Variants in ITGBL1 observed in about 807,000 individuals in gnomAD.
ITGBL1 encodes integrin subunit beta like 1, also known as integrin beta-like protein 1.
A neutral mutation model predicts 68.5 loss-of-function variants in ITGBL1; 51 were observed. The ratio of observed to expected loss-of-function variants is 0.74; its 90% CI spans 0.59 to 0.94. The LOEUF (loss-of-function observed/expected upper bound fraction) is 0.94, where lower values mean the gene tolerates loss of function less well. Among genes scored for constraint, ITGBL1 ranks in the 40% least tolerant of loss-of-function variants. The pLI, the probability that ITGBL1 is intolerant of heterozygous loss-of-function variation, is 0.00. For missense variants in ITGBL1, 649 were observed against 647.4 expected (o/e 1.00, Z -0.03); for synonymous variants, 209 against 227.3 (o/e 0.92, Z 0.72).
rs1468805409 is a variant in ITGBL1, at chr13:101,463,176, TC to T, written c.316+9078del. Among the ~76,000 whole-genome samples, 8 of 152,308 alleles carry T rather than the reference TC, an allele frequency of 5.3e-5. No homozygotes were observed. In the East Asian group the frequency reaches 9.7e-4, roughly 18 times the overall value. On this transcript the variant is annotated intron_variant, in intron 2 of 10. Coordinates refer to ENST00000376180, the MANE Select transcript of ITGBL1 (RefSeq NM_004791.3). ...CACCCCTCTCCTACCCTAGCGTAAT[TC>T]CTGGTCCTAAGATATTTATTTTCAA... is the stretch of plus-strand genomic sequence containing the variant.
intron 2 of ITGBL1, among the ~76,000 whole-genome samples, chr13:101,489,798 T>C (rs2048749892): frequency 6.6e-6 from 1 of 152,110 alleles, no homozygotes; most frequent in African/African-American, 2.4e-5. Context: ...GTCATTGATA[T>C]CAGAGGATGC....
rs574193519 is a variant in ITGBL1 at position 101,464,190 on chromosome 13, C to T, written c.316+10090C>T. ...CTGGGATTACAGGCATGAGCCACCA[C>T]GCCTGACCCATTCTTAAAACTCCCA... is the stretch of plus-strand genomic sequence containing the variant. On this transcript the variant is annotated intron_variant, in intron 2 of 10. Transcript: ENST00000376180. Among the ~76,000 whole-genome samples the T allele has an allele frequency of 2.0e-5, 3 of 152,146 alleles. No individual in the cohort carries two copies. The South Asian group carries it at 6.2e-4, about 32-fold the overall frequency.
At chr13:101,603,196 C>G (rs889862437) in intron 7 of ITGBL1, among the ~76,000 whole-genome samples, 3 of 152,012 alleles carry the variant, frequency 2.0e-5, no homozygotes, top group Non-Finnish European at 4.4e-5. Flanking sequence ...CCACCAGCAG[C>G]GTGTGGAGTT....
downstream of ITGBL1, chr13:101,720,350 A>C (rs1229478337): frequency 6.6e-6 from 1 of 152,156 alleles, no homozygotes; most frequent in African/African-American, 2.4e-5. Flanking sequence ...CTTCATAGGG[A>C]TAAATGCCCT....
chr13:101,569,340 T>G (rs912864399), intron 3 of ITGBL1, among the ~76,000 whole-genome samples: 2 of 152,114 alleles, frequency 1.3e-5, no homozygotes, highest in African/African-American at 4.8e-5. Context: ...TATTAAGGAA[T>G]CTAAACATGT....
intron 7 of ITGBL1, among the ~76,000 whole-genome samples, chr13:101,653,658 C>G (rs975068299): frequency 6.6e-6 from 1 of 151,930 alleles, no homozygotes; most frequent in African/African-American, 2.4e-5. Flanking sequence ...TGAACTATGA[C>G]CACACAGTAA....
chr13:101,598,139 C>T lies in ITGBL1; in HGVS notation c.869-14C>T. 1 of 1,579,480 alleles carries T rather than the reference C, an allele frequency of 6.3e-7. No homozygotes were observed. The highest frequency in any genetic ancestry group is 8.6e-7 in the Non-Finnish European group (1 of 1,167,396). On this transcript the variant is annotated splice_polypyrimidine_tract_variant and intron_variant, in intron 6 of 10. Coordinates refer to ENST00000376180, the MANE Select transcript of ITGBL1 (RefSeq NM_004791.3). Reference sequence around the variant, plus strand: ...TTATGTACATTTTTATTTTTTGCCACTCTCACTGTGAAGGTCATGGACAGT... The same window carrying T: ...TTATGTACATTTTTATTTTTTGCCATTCTCACTGTGAAGGTCATGGACAGT...
At chr13:101,585,069 G>T (rs747326162) in intron 6 of ITGBL1, among the ~76,000 whole-genome samples, 2 of 152,250 alleles carry the variant, frequency 1.3e-5, no homozygotes, top group South Asian at 4.1e-4. Context: ...AAAAGGTAAA[G>T]TTGGTTGAGA....
intron 2 of ITGBL1, among the ~76,000 whole-genome samples, chr13:101,478,698 AAAGAAATC>A (rs1227446161): frequency 1.3e-5 from 2 of 152,118 alleles, no homozygotes; most frequent in African/African-American, 4.8e-5. Context: ...ACAATTTGAA[AAAGAAATC>A]AAGAAAGTAA....
intron 2 of ITGBL1, among the ~76,000 whole-genome samples, chr13:101,512,936 C>A (rs1273463668): frequency 2.0e-5 from 3 of 152,078 alleles, no homozygotes; most frequent in Admixed American, 2.0e-4. Context: ...GCAGGAAATT[C>A]TTTTGTTTGT....
chr13:101,632,309 G>A (rs1386229580), intron 7 of ITGBL1, among the ~76,000 whole-genome samples: 1 of 152,162 alleles, frequency 6.6e-6, no homozygotes, highest in Admixed American at 6.6e-5. Flanking sequence ...TTGGAAAGGT[G>A]CTCAATATCA....
chr13:101,531,712 T>G lies in ITGBL1; in HGVS notation c.317-35987T>G, dbSNP rs77667674. 6.9e-3 allele frequency among the ~76,000 whole-genome samples: 505 copies of G among 73,034 alleles called. 3 individuals carry two copies. Among genetic ancestry groups the G allele is most frequent in the Non-Finnish European group, 8.8e-3 (282 of 31,952 alleles). The allele number at this position is 73,034 out of a possible 152,430, so 47.9% of individuals were successfully genotyped here. ...TTTTTTTTATTTTGTTATTTATTTA[T>G]TTATTTATTTATTTATTTATTTATT... On this transcript the variant is annotated intron_variant, in intron 2 of 10. Coordinates refer to ENST00000376180, the MANE Select transcript of ITGBL1 (RefSeq NM_004791.3).
intron 9 of ITGBL1, chr13:101,711,079 G>A (rs1186802031): frequency 6.6e-6 from 1 of 152,222 alleles, no homozygotes; most frequent in East Asian, 1.9e-4. Context: ...CAAGAGAGAT[G>A]AGGTTAGTGC....
chr13:101,605,059 TGTATATGTGTATATACATATATGC>T (rs1270565828), intron 7 of ITGBL1, among the ~76,000 whole-genome samples: 9 of 144,944 alleles, frequency 6.2e-5, no homozygotes, highest in African/African-American at 2.0e-4. Flanking sequence ...TGTGTATATG[TGTATATGTGTATATACATATATGC>T]GTATATGTGT....
chr13:101,598,425 A>G, intron 7 of ITGBL1, 126 bp downstream of exon 7: 1 of 701,004 alleles, frequency 1.4e-6, no homozygotes, highest in Non-Finnish European at 2.1e-6. Flanking sequence ...TTTGTTTTTT[A>G]TTTTTTTATT....
In ITGBL1 at chr13:101,492,090, CAT is replaced by C. The variant is rs780024464; in HGVS notation, c.316+37993_316+37994del. Among the ~76,000 whole-genome samples the C allele has an allele frequency of 4.6e-5, 7 of 152,312 alleles. 1 individual carries two copies. In the South Asian group the frequency reaches 1.0e-3, roughly 23 times the overall value. ...CTATTGTGAATAGTGCTGCAATAAACATATGTGTGCATGTGTCTTTAAAGTAG... is the reference window on the plus strand; with the variant it reads ...CTATTGTGAATAGTGCTGCAATAAACATGTGTGCATGTGTCTTTAAAGTAG... On this transcript the variant is annotated intron_variant, in intron 2 of 10. Transcript: ENST00000376180.
chr13:101,629,524 A>G (rs973191390), intron 7 of ITGBL1, among the ~76,000 whole-genome samples: 16 of 152,104 alleles, frequency 1.1e-4, no homozygotes, highest in African/African-American at 3.1e-4. Context: ...CAAGGTCTCA[A>G]ATTTAATGGT....
At chr13:101,640,212 T>C (rs1430114812) in intron 7 of ITGBL1, among the ~76,000 whole-genome samples, 1 of 152,194 alleles carries the variant, frequency 6.6e-6, no homozygotes, top group Non-Finnish European at 1.5e-5. Flanking sequence ...GATTTAAGGG[T>C]TCAACTTATT....
chr13:101,598,441 T>C, intron 7 of ITGBL1, 142 bp downstream of exon 7: 1 of 640,710 alleles, frequency 1.6e-6, no homozygotes, highest in Non-Finnish European at 2.3e-6. Context: ...TTATTTTATT[T>C]TTTATTATTA....
Sources: gnomAD v4.1 joint callset for allele counts (sites outside exome capture counted in the v4.1 genomes callset) on GRCh38, gnomAD v4.1.1 for gene constraint, MANE v1.5 for transcripts, NCBI Gene and HGNC (gene_info 2026-07-23, HGNC 2026-07-21) for gene names.